Variants in CYP19A1 observed in about 807,000 individuals in gnomAD.
CYP19A1 encodes cytochrome P450 family 19 subfamily A member 1.
A neutral mutation model predicts 44.4 loss-of-function variants in CYP19A1; 32 were observed. The ratio of observed to expected loss-of-function variants is 0.72; its 90% CI spans 0.54 to 0.97. CYP19A1 has a LOEUF of 0.97. Ranked by LOEUF, CYP19A1 falls within the 50% of genes least tolerant of loss-of-function variation. CYP19A1 has a pLI of 0.00. For missense variants in CYP19A1, 598 were observed against 637.8 expected, an observed-to-expected ratio of 0.94 and a Z score of 0.67; for synonymous variants, 212 against 215.6, an observed-to-expected ratio of 0.98 and a Z score of 0.14.
chr15:51,304,299 T>C (rs777976424), intron 1 of CYP19A1, among the ~76,000 whole-genome samples: 1 of 152,222 alleles, frequency 6.6e-6, no homozygotes, highest in Non-Finnish European at 1.5e-5. Context: ...TTGGGGGTGT[T>C]GTGGAAACCA....
At chr15:51,285,478 G>A (rs1169523290) in intron 1 of CYP19A1, among the ~76,000 whole-genome samples, 1 of 152,190 alleles carries the variant, frequency 6.6e-6, no homozygotes, top group Non-Finnish European at 1.5e-5. Context: ...AAAAGAGAAG[G>A]GGAAAATGTT....
At chr15:51,321,420 T>C (rs1021583591) in intron 1 of CYP19A1, among the ~76,000 whole-genome samples, 4 of 152,170 alleles carry the variant, frequency 2.6e-5, no homozygotes, top group Non-Finnish European at 4.4e-5. Flanking sequence ...CCCTGCCCAG[T>C]GGCCACCTTC....
chr15:51,234,349 A>G (rs2033240280), intron 3 of CYP19A1, among the ~76,000 whole-genome samples: 1 of 152,170 alleles, frequency 6.6e-6, no homozygotes, highest in South Asian at 2.1e-4. Context: ...AGCTGATGGT[A>G]GTGTGGGTGG....
chr15:51,237,986 A>C (rs1286635390), intron 2 of CYP19A1, among the ~76,000 whole-genome samples: 1 of 152,214 alleles, frequency 6.6e-6, no homozygotes, highest in Non-Finnish European at 1.5e-5. Context: ...CAGCATTCTC[A>C]CCTTACGGGC....
chr15:51,306,770 T>C (rs1281281573), intron 1 of CYP19A1, among the ~76,000 whole-genome samples: 2 of 152,190 alleles, frequency 1.3e-5, no homozygotes, highest in African/African-American at 4.8e-5. Context: ...TAATTGTACA[T>C]GGCACAAGGA....
chr15:51,331,430 C>T (rs374994510), intron 1 of CYP19A1, among the ~76,000 whole-genome samples: 2 of 152,016 alleles, frequency 1.3e-5, no homozygotes, highest in South Asian at 2.1e-4. Flanking sequence ...AAAGGAGAAG[C>T]GGAAAGAGGA....
intron 1 of CYP19A1, among the ~76,000 whole-genome samples, chr15:51,248,009 C>G (rs1434992211): frequency 6.6e-6 from 1 of 152,140 alleles, no homozygotes; most frequent in Non-Finnish European, 1.5e-5. Flanking sequence ...CAGTTGAAGG[C>G]AAATTCCTGG....
intron 1 of CYP19A1, among the ~76,000 whole-genome samples, chr15:51,283,033 G>A (rs1356334756): frequency 6.6e-6 from 1 of 152,174 alleles, no homozygotes; most frequent in Non-Finnish European, 1.5e-5. Flanking sequence ...TTTTAAAAAG[G>A]CGTATAAAGA....
intron 1 of CYP19A1, among the ~76,000 whole-genome samples, chr15:51,295,829 G>C (rs553897593): frequency 2.2e-4 from 33 of 152,276 alleles, no homozygotes; most frequent in African/African-American, 7.9e-4. Flanking sequence ...GGAAGTCCTG[G>C]CAGCACGGAG....
chr15:51,324,527 G>T (rs1188693700), intron 1 of CYP19A1, among the ~76,000 whole-genome samples: 3 of 152,218 alleles, frequency 2.0e-5, no homozygotes, highest in African/African-American at 4.8e-5. Context: ...GACCAATGAG[G>T]TTAGAACCAG....
At chr15:51,216,648 A>C (rs1456194031) in intron 6 of CYP19A1, among the ~76,000 whole-genome samples, 1 of 152,124 alleles carries the variant, frequency 6.6e-6, no homozygotes, top group African/African-American at 2.4e-5. Context: ...ATCATTCTTG[A>C]TATTTATTCT....
chr15:51,295,127 TAAC>T (rs1402341570), intron 1 of CYP19A1, among the ~76,000 whole-genome samples: 2 of 143,854 alleles, frequency 1.4e-5, no homozygotes, highest in African/African-American at 5.5e-5. Flanking sequence ...TGGAGCGAAT[TAAC>T]AACGTGTTTT....
chr15:51,270,469 C>T (rs943279876), intron 1 of CYP19A1, among the ~76,000 whole-genome samples: 1 of 152,134 alleles, frequency 6.6e-6, no homozygotes. Flanking sequence ...CCCCTTCACC[C>T]TAAAAACAGC....
chr15:51,330,946 C>T (rs967046456), intron 1 of CYP19A1, among the ~76,000 whole-genome samples: 4 of 152,142 alleles, frequency 2.6e-5, no homozygotes, highest in African/African-American at 9.7e-5. Context: ...GAAGAAGCTA[C>T]ATGGCCGTGA....
intron 1 of CYP19A1, among the ~76,000 whole-genome samples, chr15:51,270,445 A>G (rs185428729): frequency 6.6e-6 from 1 of 152,246 alleles, no homozygotes; most frequent in Admixed American, 6.5e-5. Flanking sequence ...CAGTATCCCT[A>G]TCCCTACCTG....
chr15:51,210,993 C>T lies in CYP19A1; in HGVS notation c.1327G>A (p.Ala443Thr), dbSNP rs201638381. The T allele has an allele frequency of 9.4e-6, 15 of 1,590,034 alleles. No homozygotes were observed. Among genetic ancestry groups the T allele is most frequent in the South Asian group, 2.2e-5 (2 of 90,616 alleles). Residue 443 changes from alanine to threonine, a missense_variant, in exon 10 of 10, where the codon GCC (alanine) becomes ACC (threonine). Ala to Thr is a moderately conservative substitution (Grantham distance 58, BLOSUM62 0). Transcript: ENST00000396402. ...AGGATGGCTTTCATCATCACCATGGCGATGTACTTTCCTGCACAGCCACGG... is the reference window on the plus strand; with the variant it reads ...AGGATGGCTTTCATCATCACCATGGTGATGTACTTTCCTGCACAGCCACGG... ...GPRGCAGKYI[A>T]MVMMKAILVT...
At chr15:51,275,267 G>A (rs886558015) in intron 1 of CYP19A1, among the ~76,000 whole-genome samples, 2 of 152,202 alleles carry the variant, frequency 1.3e-5, no homozygotes, top group Admixed American at 6.5e-5. Flanking sequence ...ACCCACCTCT[G>A]GCTCATAGCC....
At chr15:51,294,660 G>T (rs375706719) in intron 1 of CYP19A1, among the ~76,000 whole-genome samples, 1 of 89,952 alleles carries the variant, frequency 1.1e-5, no homozygotes, top group African/African-American at 9.8e-5. Context: ...CCGGCCAGCC[G>T]CCCCGTCCGG....
At chr15:51,279,640 C>T (rs981907491) in intron 1 of CYP19A1, among the ~76,000 whole-genome samples, 46 of 152,202 alleles carry the variant, frequency 3.0e-4, no homozygotes, top group African/African-American at 1.1e-3. Flanking sequence ...ATATACATTT[C>T]CCTTAAAGTC....
Sources: gnomAD v4.1 joint callset for allele counts (sites outside exome capture counted in the v4.1 genomes callset) on GRCh38, gnomAD v4.1.1 for gene constraint, MANE v1.5 for transcripts, NCBI Gene and HGNC (gene_info 2026-07-23, HGNC 2026-07-21) for gene names.